The following KNL1 variants were observed in gnomAD, a reference collection of about 807,000 sequenced individuals.
KNL1 encodes the protein kinetochore scaffold 1.
Under a neutral mutation model 201.3 loss-of-function variants are expected in KNL1, and 66 were observed. That is an observed-to-expected ratio of 0.33 (90% CI 0.27 to 0.40). The LOEUF is 0.40. Ranked by LOEUF, KNL1 falls within the 10% of genes least tolerant of loss-of-function variation. The pLI is 1.00. For synonymous variants in KNL1, 895 were observed against 899.2 expected (o/e 1.00, Z 0.08); for missense variants, 2,815 against 2,690.5 (o/e 1.05, Z -1.02).
chr15:40,655,015 G>T (rs764216141), intron 22 of KNL1, 38 bp downstream of exon 22: 1 of 1,518,110 alleles, frequency 6.6e-7, no homozygotes, highest in African/African-American at 1.4e-5. Flanking sequence ...AAATTTGTTG[G>T]GGCTGGGCAC....
intron 13 of KNL1, among the ~76,000 whole-genome samples, chr15:40,636,038 A>G (rs1893046958): frequency 2.0e-5 from 3 of 151,492 alleles, no homozygotes; most frequent in Admixed American, 1.3e-4. Flanking sequence ...GGATTTCGCC[A>G]TGTTGACCAG....
At chr15:40,661,367 CTG>C (rs1176924472) in intron 25 of KNL1, among the ~76,000 whole-genome samples, 2 of 152,128 alleles carry the variant, frequency 1.3e-5, no homozygotes, top group Non-Finnish European at 1.5e-5. Context: ...TGGCAGGTGC[CTG>C]TAATCCCAGC....
In KNL1 at chr15:40,605,096, T is replaced by G. The variant is rs1361795394; in HGVS notation, c.36-14T>G. The G allele has an allele frequency of 7.2e-7, 1 of 1,383,254 alleles. No individual in the cohort carries two copies. Among genetic ancestry groups the G allele is most frequent in the Non-Finnish European group, 1.0e-6 (1 of 971,518 alleles). The allele number at this position is 1,383,254 out of a possible 1,614,324, so 85.7% of individuals were successfully genotyped here. ...TTAAATCACTGTGTATATAATTTTGTTTTCCTTTTTCAGTGACAATATAGA... is the reference window on the plus strand; with the variant it reads ...TTAAATCACTGTGTATATAATTTTGGTTTCCTTTTTCAGTGACAATATAGA... On this transcript the variant is annotated splice_polypyrimidine_tract_variant and intron_variant, in intron 2 of 25. Transcript: ENST00000399668.
rs761295539 is a variant in KNL1, at chr15:40,652,020, T to A, written c.6330T>A (p.Asp2110Glu). 1 of 1,613,026 alleles carries A rather than the reference T, an allele frequency of 6.2e-7. No homozygotes were observed. Among genetic ancestry groups the A allele is most frequent in the East Asian group, 2.2e-5 (1 of 44,844 alleles). ...CTCTCTACAGCTTGTCTGAGTGGGATGTCGTTGAGTGGAGTGATGATCAAG... is the reference window on the plus strand; with the variant it reads ...CTCTCTACAGCTTGTCTGAGTGGGAAGTCGTTGAGTGGAGTGATGATCAAG... ...LLDQLSLSEW[D>E]VVEWSDDQAV... is the part of the protein sequence containing the mutation. Residue 2110 changes from aspartate (D) to glutamate (E), a missense_variant, in exon 21 of 26, where the codon GAT becomes GAA. Around this residue, in one of 3 missense-constraint regions of KNL1, gnomAD observed 334 missense variants for 362.6 expected, o/e 0.92. Transcript: ENST00000399668.
At chr15:40,597,998 C>A (rs1342634139) in intron 1 of KNL1, among the ~76,000 whole-genome samples, 5 of 151,974 alleles carry the variant, frequency 3.3e-5, no homozygotes, top group African/African-American at 1.2e-4. Context: ...GGTGAAAACC[C>A]GTCTCTACTA....
intron 3 of KNL1, 40 bp from the exon 4 acceptor site, chr15:40,606,353 A>G (rs1891970839): frequency 8.3e-7 from 1 of 1,207,336 alleles, no homozygotes; most frequent in Non-Finnish European, 1.2e-6. Flanking sequence ...CTTAATAGAT[A>G]TGCCAGATTT....
chr15:40,617,566 C>T (rs1892381289), intron 8 of KNL1, among the ~76,000 whole-genome samples: 1 of 152,214 alleles, frequency 6.6e-6, no homozygotes, highest in African/African-American at 2.4e-5. Context: ...CACCATACTT[C>T]AAGTAGCACT....
intron 24 of KNL1, 49 bp from the exon 25 acceptor site, chr15:40,659,290 T>C (rs368708231): frequency 3.9e-5 from 60 of 1,542,662 alleles, no homozygotes; most frequent in Non-Finnish European, 5.0e-5. Context: ...AAATTGTGTT[T>C]CATGCTATTA....
chr15:40,658,895 A>C (rs1893819626), intron 24 of KNL1, among the ~76,000 whole-genome samples: 1 of 149,522 alleles, frequency 6.7e-6, no homozygotes, highest in Non-Finnish European at 1.5e-5. Flanking sequence ...ACTCCACTGC[A>C]CTCCAGCCTG....
chr15:40,624,522 C>T lies in KNL1; in HGVS notation c.4258C>T (p.Arg1420Ter), dbSNP rs1310531214. ...GGAGATGACTAAACTTAATTCAAAG[C>T]GAGTATCTTTTAAGCTTCCAAAGGA... ...LGEMTKLNSK[R>*]VSFKLPKDQM... The change falls in exon 10 of 26, where the codon CGA becomes TGA. Residue 1420 changes from arginine to a stop codon, truncating the protein, a stop_gained. Coordinates refer to ENST00000399668, the MANE Select transcript of KNL1 (RefSeq NM_144508.5). LOFTEE classifies it high-confidence loss of function. 4 of 1,613,578 alleles carry T rather than the reference C, an allele frequency of 2.5e-6. No homozygotes were observed. The highest frequency in any genetic ancestry group is 3.4e-6 in the Non-Finnish European group (4 of 1,179,820).
At chr15:40,652,746 G>C (rs568836588) in intron 21 of KNL1, among the ~76,000 whole-genome samples, 35 of 95,536 alleles carry the variant, frequency 3.7e-4, no homozygotes, top group African/African-American at 1.3e-3. Context: ...CTGGGCAACA[G>C]AGCAAAACTG....
chr15:40,610,596 C>T (rs1892122120), intron 6 of KNL1, among the ~76,000 whole-genome samples: 1 of 152,038 alleles, frequency 6.6e-6, no homozygotes, highest in Non-Finnish European at 1.5e-5. Context: ...ACTCAGGAGG[C>T]TGAGGTGAGA....
chr15:40,597,564 C>A (rs146334699), intron 1 of KNL1, among the ~76,000 whole-genome samples: 1 of 152,170 alleles, frequency 6.6e-6, no homozygotes, highest in Non-Finnish European at 1.5e-5. Flanking sequence ...CTTGAGCCAT[C>A]GCACCAGGCC....
At chr15:40,659,722 C>T (rs1893849114) in intron 25 of KNL1, among the ~76,000 whole-genome samples, 1 of 151,820 alleles carries the variant, frequency 6.6e-6, no homozygotes. Context: ...CCTCGTGGTC[C>T]GCCCACCTCG....
At chr15:40,656,035 T>G (rs1161358288) in intron 22 of KNL1, among the ~76,000 whole-genome samples, 2 of 152,202 alleles carry the variant, frequency 1.3e-5, no homozygotes. Flanking sequence ...ATTACTTAAA[T>G]TAACACTATG....
intron 17 of KNL1, among the ~76,000 whole-genome samples, chr15:40,649,837 CTT>C (rs1259687331): frequency 6.6e-6 from 1 of 152,184 alleles, no homozygotes; most frequent in Non-Finnish European, 1.5e-5. Flanking sequence ...AAAGTAGTCT[CTT>C]TTCCTTGAGC....
intron 2 of KNL1, among the ~76,000 whole-genome samples, chr15:40,604,245 A>G (rs138128774): frequency 6.1e-5 from 4 of 65,282 alleles, no homozygotes; most frequent in African/African-American, 1.8e-4. Flanking sequence ...AAAATTGAGA[A>G]CCTATCTCTT....
chr15:40,622,612 G>A lies in KNL1; in HGVS notation c.2348G>A (p.Gly783Asp), dbSNP rs1194426505. ...GFGPSELQEL[G>D]KTNLEHTTGQ... ...GGTCCTTCTGAACTACAAGAACTTG[G>A]TAAAACTAATTTAGAACACACTACT... is the stretch of plus-strand genomic sequence containing the variant. Residue 783 changes from glycine to aspartate, a missense_variant, in exon 10 of 26, where the codon GGT becomes GAT. Gly to Asp is a moderately conservative substitution (Grantham distance 94, BLOSUM62 -1). Coordinates refer to ENST00000399668, the MANE Select transcript of KNL1 (RefSeq NM_144508.5). 1 of 1,604,706 alleles carries A rather than the reference G, an allele frequency of 6.2e-7. No homozygotes were observed. Among genetic ancestry groups the A allele is most frequent in the Non-Finnish European group, 8.5e-7 (1 of 1,176,318 alleles).
At chr15:40,635,285 C>G (rs1459771438) in intron 13 of KNL1, among the ~76,000 whole-genome samples, 1 of 151,980 alleles carries the variant, frequency 6.6e-6, no homozygotes, top group Non-Finnish European at 1.5e-5. Context: ...ATCTCCTGAC[C>G]TCGTGATCTG....
Sources: allele counts gnomAD v4.1 joint callset (sites outside exome capture counted in the v4.1 genomes callset), GRCh38; gene constraint gnomAD v4.1.1; regional missense constraint gnomAD v4.1.1; transcripts MANE v1.5; gene names NCBI Gene and HGNC (gene_info 2026-07-23, HGNC 2026-07-21).